ITSN2: variants seen among roughly 807,000 people sequenced by gnomAD.
ITSN2 encodes the protein intersectin 2, also known as intersectin-2.
ITSN2 carries 156 observed loss-of-function variants against 243.7 expected under a neutral mutation model. The ratio of observed to expected loss-of-function variants is 0.64; its 90% CI spans 0.56 to 0.73. The LOEUF (loss-of-function observed/expected upper bound fraction) is 0.73. Among genes scored for constraint, ITSN2 ranks in the 30% least tolerant of loss-of-function variants. The pLI, the probability that ITSN2 is intolerant of heterozygous loss-of-function variation, is 0.00. For missense variants in ITSN2, 1,801 were observed against 1,996.1 expected (o/e 0.90, Z 1.86); for synonymous variants, 703 against 699.9 (o/e 1.00, Z -0.07).
intron 29 of ITSN2, among the ~76,000 whole-genome samples, chr2:24,223,648 T>C (rs1268935994): frequency 1.4e-5 from 2 of 143,828 alleles, no homozygotes; most frequent in African/African-American, 2.6e-5. Flanking sequence ...ACTGCACCAC[T>C]GTACTCCAGG....
intron 34 of ITSN2, 149 bp downstream of exon 34, chr2:24,210,631 A>G (rs948021204): frequency 1.0e-4 from 63 of 631,318 alleles, no homozygotes; most frequent in Admixed American, 4.1e-4. Context: ...AAAAAAAAAA[A>G]AAAGAAAAAA....
intron 22 of ITSN2, 49 bp downstream of exon 22, chr2:24,261,057 C>G (rs751060942): frequency 2.6e-6 from 4 of 1,537,854 alleles, no homozygotes; most frequent in Non-Finnish European, 3.6e-6. Flanking sequence ...CTATTTTAAT[C>G]AGGAGCAAAT....
At chr2:24,268,934 A>G (rs1441420939) in intron 20 of ITSN2, among the ~76,000 whole-genome samples, 1 of 152,094 alleles carries the variant, frequency 6.6e-6, no homozygotes, top group African/African-American at 2.4e-5. Flanking sequence ...AGTCCACTTA[A>G]CTGATACTGC....
chr2:24,328,138 C>T (rs953137183), intron 1 of ITSN2, 23 bp from the exon 2 acceptor site: 44 of 1,574,090 alleles, frequency 2.8e-5, no homozygotes, highest in South Asian at 6.7e-5. Flanking sequence ...AATATTGTGC[C>T]GTTGATAATA....
chr2:24,337,341 T>TATATATATATATATATATATAC (rs1686549540), intron 1 of ITSN2, among the ~76,000 whole-genome samples: 2 of 117,250 alleles, frequency 1.7e-5, no homozygotes, highest in African/African-American at 3.2e-5. Context: ...TATATATATA[T>TATATATATATATATATATATAC]ATATATATAT....
intron 17 of ITSN2, among the ~76,000 whole-genome samples, chr2:24,282,975 CTT>C (rs1678994482): frequency 1.3e-5 from 2 of 150,762 alleles, no homozygotes; most frequent in Non-Finnish European, 2.9e-5. Context: ...CTGCCTCCTC[CTT>C]TCTTTTCTCT....
At chr2:24,260,670 C>T (rs907827155) in intron 22 of ITSN2, among the ~76,000 whole-genome samples, 2 of 151,974 alleles carry the variant, frequency 1.3e-5, no homozygotes, top group Admixed American at 6.6e-5. Context: ...CATTTTGGGA[C>T]GCCAAGGCAG....
chr2:24,293,533 G>A (rs1197870905), intron 15 of ITSN2, 155 bp downstream of exon 15: 7 of 406,142 alleles, frequency 1.7e-5, no homozygotes, highest in Admixed American at 4.6e-5. Context: ...TCTAACATCT[G>A]GGATATTTTT....
intron 20 of ITSN2, among the ~76,000 whole-genome samples, chr2:24,265,983 T>C (rs896595091): frequency 4.6e-5 from 7 of 152,180 alleles, no homozygotes; most frequent in Non-Finnish European, 1.0e-4. Flanking sequence ...CATCTACAAA[T>C]TTGGGGGGAA....
intron 22 of ITSN2, among the ~76,000 whole-genome samples, 198 bp downstream of exon 22, chr2:24,260,903 CAAAAA>C (rs34385491): frequency 8.5e-6 from 1 of 117,782 alleles, no homozygotes; most frequent in Non-Finnish European, 1.7e-5. Flanking sequence ...GGCTCCGTCT[CAAAAA>C]AAAAAAAAAA....
chr2:24,350,252 T>C (rs149603781), intron 1 of ITSN2, among the ~76,000 whole-genome samples: 1 of 152,328 alleles, frequency 6.6e-6, no homozygotes, highest in East Asian at 1.9e-4. Context: ...TCTTGGACCA[T>C]ACTGAGGAAG....
At chr2:24,263,984 T>A (rs1018923731) in intron 20 of ITSN2, among the ~76,000 whole-genome samples, 2 of 152,236 alleles carry the variant, frequency 1.3e-5, no homozygotes, top group African/African-American at 4.8e-5. Context: ...TATGGAGATA[T>A]AATTCACATT....
chr2:24,229,013 C>T (rs967137884), intron 29 of ITSN2, among the ~76,000 whole-genome samples: 1 of 150,500 alleles, frequency 6.6e-6, no homozygotes, highest in Non-Finnish European at 1.5e-5. Context: ...GAAACATTCA[C>T]CAGGAAGAAG....
At chr2:24,281,281 C>T (rs1419164360) in intron 17 of ITSN2, among the ~76,000 whole-genome samples, 1 of 152,232 alleles carries the variant, frequency 6.6e-6, no homozygotes, top group African/African-American at 2.4e-5. Context: ...CAACCCGCCT[C>T]AGCCTCCCAA....
chr2:24,271,044 G>C (rs915461985), intron 19 of ITSN2, among the ~76,000 whole-genome samples: 4 of 152,160 alleles, frequency 2.6e-5, no homozygotes, highest in African/African-American at 7.2e-5. Flanking sequence ...AAGTGCAGGA[G>C]TGGGGGCCAG....
chr2:24,342,782 C>G (rs1179503502), intron 1 of ITSN2, among the ~76,000 whole-genome samples: 1 of 151,798 alleles, frequency 6.6e-6, no homozygotes, highest in African/African-American at 2.4e-5. Context: ...TAGAAGATTA[C>G]TTACTCACAT....
At chr2:24,252,725 CTT>C (rs924987500) in intron 24 of ITSN2, among the ~76,000 whole-genome samples, 1 of 152,064 alleles carries the variant, frequency 6.6e-6, no homozygotes, top group Non-Finnish European at 1.5e-5. Context: ...TAACATAAAA[CTT>C]TAGAGTTTCT....
intron 23 of ITSN2, among the ~76,000 whole-genome samples, chr2:24,256,221 C>G (rs1675036148): frequency 6.6e-6 from 1 of 152,200 alleles, no homozygotes; most frequent in South Asian, 2.1e-4. Context: ...GAGACTCCAT[C>G]TCAAAATCAA....
chr2:24,256,665 C>T (rs370447249), intron 23 of ITSN2, among the ~76,000 whole-genome samples: 6 of 152,112 alleles, frequency 3.9e-5, no homozygotes, highest in South Asian at 2.1e-4. Flanking sequence ...CATTCATTCA[C>T]GCCTCTCTTC....
Sources: allele counts gnomAD v4.1 joint callset (sites outside exome capture counted in the v4.1 genomes callset), GRCh38; gene constraint gnomAD v4.1.1; transcripts MANE v1.5; gene names NCBI Gene and HGNC (gene_info 2026-07-23, HGNC 2026-07-21).